The following BPI variants were observed in gnomAD, a reference collection of about 807,000 sequenced individuals.
BPI encodes the protein bactericidal permeability increasing protein, also known as bactericidal permeability-increasing protein.
Under a neutral mutation model 57.6 loss-of-function variants are expected in BPI, and 48 were observed. The ratio of observed to expected loss-of-function variants is 0.83; its 90% CI spans 0.66 to 1.06. The LOEUF (loss-of-function observed/expected upper bound fraction) is 1.06. Among genes scored for constraint, BPI ranks in the 50% least tolerant of loss-of-function variants. The probability of loss-of-function intolerance (pLI) is 0.00; values close to 1 mark genes in which losing one functional copy is unlikely to be tolerated. For missense variants in BPI, 651 were observed against 609.7 expected, an observed-to-expected ratio of 1.07 and a Z score of -0.71; for synonymous variants, 237 against 238.2, an observed-to-expected ratio of 0.99 and a Z score of 0.05.
At chr20:38,319,240 C>CA (rs895845133) in intron 6 of BPI, among the ~76,000 whole-genome samples, 12 of 152,038 alleles carry the variant, frequency 7.9e-5, no homozygotes, top group African/African-American at 2.2e-4. Flanking sequence ...GTCTCAAAAA[C>CA]AAAAAACAAA....
At chr20:38,314,980 T>C (rs866473775) in intron 5 of BPI, among the ~76,000 whole-genome samples, 23 of 151,672 alleles carry the variant, frequency 1.5e-4, no homozygotes, top group African/African-American at 5.1e-4. Flanking sequence ...TCCTGGGAAG[T>C]TTCAATGGTG....
At chr20:38,323,818 A>T in intron 7 of BPI, 52 bp from the exon 8 acceptor site, 1 of 1,570,522 alleles carries the variant, frequency 6.4e-7, no homozygotes, top group African/African-American at 1.4e-5. Context: ...GGAGATGTTG[A>T]CTTATAATTC....
At chr20:38,333,293 T>C (rs1377641966) in intron 12 of BPI, among the ~76,000 whole-genome samples, 8 of 152,112 alleles carry the variant, frequency 5.3e-5, no homozygotes, top group Middle Eastern at 3.2e-3. Flanking sequence ...GGGCACTGCA[T>C]TTGGTGAGGC....
In BPI at chr20:38,304,167, C is replaced by T. The variant is rs1271241042; in HGVS notation, c.-57C>T. ...TTCCCCAGCCGACTCTTTTATAGCTCCCTGGTTCAACCTCAAGGCCTTGAG... is the reference window on the plus strand; with the variant it reads ...TTCCCCAGCCGACTCTTTTATAGCTTCCTGGTTCAACCTCAAGGCCTTGAG... On this transcript the variant is annotated 5_prime_UTR_variant, in exon 1 of 15. Coordinates refer to ENST00000642449, the MANE Select transcript of BPI (RefSeq NM_001725.3). 4 of 1,608,904 alleles carry T rather than the reference C, an allele frequency of 2.5e-6. No individual in the cohort carries two copies. The highest frequency in any genetic ancestry group is 3.4e-6 in the Non-Finnish European group (4 of 1,176,368).
intron 1 of BPI, among the ~76,000 whole-genome samples, chr20:38,306,834 G>GT (rs2076598931): frequency 6.6e-6 from 1 of 152,100 alleles, no homozygotes; most frequent in East Asian, 1.9e-4. Context: ...ACAGCCCTCC[G>GT]TTTTTGTATG....
Position 38,320,525 on chromosome 20 carries a change from C to A in BPI, c.756+251C>A, listed in dbSNP as rs565594471. On this transcript the variant is annotated intron_variant, in intron 7 of 14. Coordinates refer to ENST00000642449, the MANE Select transcript of BPI (RefSeq NM_001725.3). The stretch of plus-strand genomic sequence containing the variant: ...GCTTTTTCCTCCGCCTGGGTACTCT[C>A]CCCCAGGTTTCCACACAGCTCTCCC... Among the ~76,000 whole-genome samples the A allele has an allele frequency of 1.6e-4, 25 of 151,934 alleles. No individual in the cohort carries two copies. In the South Asian group the frequency reaches 5.0e-3, roughly 30 times the overall value.
intron 6 of BPI, 101 bp downstream of exon 6, chr20:38,318,577 C>T: frequency 1.5e-6 from 2 of 1,297,438 alleles, no homozygotes. Context: ...CCCAGACAGC[C>T]CTGGGCCTGG....
At chr20:38,329,030 T>C (rs1018824642) in intron 11 of BPI, among the ~76,000 whole-genome samples, 1 of 150,866 alleles carries the variant, frequency 6.6e-6, no homozygotes, top group Non-Finnish European at 1.5e-5. Context: ...AATAAATAAA[T>C]AAACAAATAG....
In BPI at chr20:38,307,696, A is replaced by G; in HGVS notation, c.245+15A>G. 6.3e-7 allele frequency: 1 copy of G among 1,586,972 alleles called. No homozygotes were observed. Among genetic ancestry groups the G allele is most frequent in the Non-Finnish European group, 8.6e-7 (1 of 1,157,838 alleles). ...AGCTTCTACAGGTGAGGCCTATCAGAGCTCAATCCTCGATTTGCAGGACTT... is the reference window on the plus strand; with the variant it reads ...AGCTTCTACAGGTGAGGCCTATCAGGGCTCAATCCTCGATTTGCAGGACTT... On this transcript the variant is annotated intron_variant, in intron 2 of 14. Transcript: ENST00000642449.
intron 2 of BPI, 141 bp downstream of exon 2, chr20:38,307,822 G>A (rs977306015): frequency 5.7e-6 from 4 of 704,294 alleles, no homozygotes; most frequent in Non-Finnish European, 9.1e-6. Context: ...ATCCCAAGGG[G>A]AGGCAACCTC....
At chr20:38,324,157 T>TGACTC in intron 8 of BPI, 111 bp downstream of exon 8, 2 of 1,317,022 alleles carry the variant, frequency 1.5e-6, no homozygotes, top group Non-Finnish European at 2.1e-6. Context: ...GTTAAAGTGT[T>TGACTC]GACTCTAGAG....
At chr20:38,335,360 C>T in intron 13 of BPI, 1 of 574,342 alleles carries the variant, frequency 1.7e-6, no homozygotes, top group Non-Finnish European at 3.1e-6. Flanking sequence ...TCAGGAGGGC[C>T]ATCATGGGGA....
At chr20:38,309,713 A>G (rs188453000) in intron 3 of BPI, among the ~76,000 whole-genome samples, 32 of 152,312 alleles carry the variant, frequency 2.1e-4, no homozygotes, top group African/African-American at 7.5e-4. Flanking sequence ...AGGGTGAAAA[A>G]TAGGGGCAAA....
At position 38,324,831 on chromosome 20, in the gene BPI, G is replaced by A. The variant is rs771283875; in HGVS notation, c.991G>A (p.Glu331Lys). 1 of 1,611,516 alleles carries A rather than the reference G, an allele frequency of 6.2e-7. No homozygotes were observed. Among genetic ancestry groups the A allele is most frequent in the Admixed American group, 1.7e-5 (1 of 60,016 alleles). ...TTKFFGTFLP[E>K]VAKKFPNMKI... ...CAAGTTCTTTGGAACCTTCCTACCT[G>A]AGGTATGGAAGACCTTGCTTTCCTT... The change falls in exon 9 of 15, where the codon GAG (glutamate) becomes AAG (lysine). Residue 331 changes from glutamate (E) to lysine (K), a missense_variant and splice_region_variant. By Grantham distance (56) the Glu-to-Lys change is moderately conservative. Coordinates refer to ENST00000642449, the MANE Select transcript of BPI (RefSeq NM_001725.3).
intron 7 of BPI, 99 bp from the exon 8 acceptor site, chr20:38,323,771 T>A: frequency 7.6e-7 from 1 of 1,322,596 alleles, no homozygotes; most frequent in Non-Finnish European, 1.0e-6. Flanking sequence ...CCTTTGCAAG[T>A]GTACAATTGG....
chr20:38,321,192 G>GAGTTTTATTTC (rs2076683390), intron 7 of BPI, among the ~76,000 whole-genome samples: 1 of 127,292 alleles, frequency 7.9e-6, no homozygotes, highest in Non-Finnish European at 1.7e-5. Context: ...TGGATACATG[G>GAGTTTTATTTC]ATAGATGGGT....
Position 38,309,179 on chromosome 20 carries a change from C to T in BPI, c.374+121C>T, listed in dbSNP as rs183225213. On this transcript the variant is annotated intron_variant, in intron 3 of 14. Transcript: ENST00000642449. ...TGCCTATTACCACCTATAGCCACAG[C>T]GTTCCTCAGGAAATTCTTCACATGA... 5.6e-5 allele frequency: 77 copies of T among 1,386,384 alleles called. No individual in the cohort carries two copies. In the Admixed American group the frequency reaches 5.7e-4, roughly 10 times the overall value. 85.9% of individuals were successfully genotyped at this position (1,386,384 alleles called of 1,614,324 possible). A position where few individuals can be genotyped will look rare whatever the true frequency, so the allele number is the denominator to read the frequency against.
chr20:38,319,290 G>GCT (rs1352617931), intron 6 of BPI, among the ~76,000 whole-genome samples: 1 of 152,150 alleles, frequency 6.6e-6, no homozygotes, highest in Non-Finnish European at 1.5e-5. Context: ...GGCTCAGAGA[G>GCT]TAGGTGAGAC....
At chr20:38,312,704 T>A (rs909538475) in intron 5 of BPI, among the ~76,000 whole-genome samples, 5 of 152,164 alleles carry the variant, frequency 3.3e-5, no homozygotes, top group African/African-American at 1.2e-4. Context: ...AGGAGACCAC[T>A]GAGGAGTCTC....
Sources: allele counts gnomAD v4.1 joint callset (sites outside exome capture counted in the v4.1 genomes callset), GRCh38; gene constraint gnomAD v4.1.1; transcripts MANE v1.5; gene names NCBI Gene and HGNC (gene_info 2026-07-23, HGNC 2026-07-21).